ANKRD12: variants seen among roughly 807,000 people sequenced by gnomAD.
ANKRD12 encodes ankyrin repeat domain 12.
Under a neutral mutation model 183.4 loss-of-function variants are expected in ANKRD12, and 85 were observed. That is an observed-to-expected ratio of 0.46 (90% CI 0.39 to 0.56). The LOEUF (loss-of-function observed/expected upper bound fraction) is 0.56, where lower values mean the gene tolerates loss of function less well. ANKRD12 is among the 20% of genes least tolerant of loss of function. The probability of loss-of-function intolerance (pLI) is 0.00; values close to 1 mark genes in which losing one functional copy is unlikely to be tolerated. For missense variants in ANKRD12, 2,405 were observed against 2,357.1 expected (o/e 1.02, Z -0.42); for synonymous variants, 914 against 800.2 (o/e 1.14, Z -2.40).
chr18:9,258,869 G>A lies in ANKRD12; in HGVS notation c.5602G>A (p.Val1868Ile), dbSNP rs2038796344. Residue 1868 changes from valine (V) to isoleucine (I), a missense_variant, in exon 9 of 13, where the codon GTA (valine) becomes ATA (isoleucine). Physicochemically the swap from Val to Ile is conservative, Grantham distance 29. Coordinates refer to ENST00000262126, the MANE Select transcript of ANKRD12 (RefSeq NM_015208.5). ...PQAPQYYDEYVTFNGSYLLDG... is the reference protein window; with the variant it reads ...PQAPQYYDEYITFNGSYLLDG... ...AGCACCTCAGTACTATGACGAATATGTAACATTTAACGGATCATATCTCCT... is the reference window on the plus strand; with the variant it reads ...AGCACCTCAGTACTATGACGAATATATAACATTTAACGGATCATATCTCCT... 6.2e-7 allele frequency: 1 copy of A among 1,613,482 alleles called. No individual in the cohort carries two copies. Among genetic ancestry groups the A allele is most frequent in the Non-Finnish European group, 8.5e-7 (1 of 1,179,736 alleles).
Position 9,258,708 on chromosome 18 carries a change from C to A in ANKRD12, c.5441C>A (p.Ala1814Glu). Residue 1814 changes from alanine (A) to glutamate (E), a missense_variant, in exon 9 of 13, where the codon GCA becomes GAA. Ala to Glu is a moderately radical substitution (Grantham distance 107). Around this residue, in one of 7 missense-constraint regions of ANKRD12, gnomAD observed 1,983 missense variants for 1,725.9 expected, o/e 1.15. Transcript: ENST00000262126. ...AAAGAGAAAACTCAGCAATCTCTGG[C>A]AGCCATTGTAGATTCTCTAAAACTA... ...QAKEKTQQSLAAIVDSLKLDE... is the reference protein window; with the variant it reads ...QAKEKTQQSLEAIVDSLKLDE... 1 of 1,613,836 alleles carries A rather than the reference C, an allele frequency of 6.2e-7. No homozygotes were observed.
intron 1 of ANKRD12, among the ~76,000 whole-genome samples, chr18:9,143,387 G>A (rs1028220904): frequency 1.2e-4 from 18 of 152,170 alleles, no homozygotes; most frequent in African/African-American, 4.3e-4. Context: ...TCCAGTAGTG[G>A]TTATTGAGCC....
intron 6 of ANKRD12, among the ~76,000 whole-genome samples, chr18:9,213,341 A>G (rs1414652882): frequency 6.6e-6 from 1 of 151,970 alleles, no homozygotes; most frequent in Non-Finnish European, 1.5e-5. Context: ...GACATTATTT[A>G]TCAGAAACCT....
intron 10 of ANKRD12, among the ~76,000 whole-genome samples, chr18:9,274,570 G>A (rs762789412): frequency 6.6e-6 from 1 of 152,200 alleles, no homozygotes; most frequent in Non-Finnish European, 1.5e-5. Context: ...AGTAAGGAAT[G>A]ACTGCTGATG....
chr18:9,284,994 C>T lies in ANKRD12; in HGVS notation c.*3868C>T, dbSNP rs2040190035. The T allele has an allele frequency of 6.6e-6, 1 of 151,362 alleles. No homozygotes were observed. 9.4% of individuals were successfully genotyped at this position (151,362 alleles called of 1,614,324 possible). On this transcript the variant is annotated 3_prime_UTR_variant, in exon 13 of 13. Transcript: ENST00000262126. ...GGCCAAGGCGGGCGGATCACGAGGT[C>T]AGGAGATCGAGACCATCCTGGCTAA...
intron 10 of ANKRD12, among the ~76,000 whole-genome samples, chr18:9,270,924 C>G (rs920223936): frequency 1.3e-5 from 2 of 152,126 alleles, no homozygotes; most frequent in Non-Finnish European, 2.9e-5. Context: ...ACAACTTTAC[C>G]GTGTGGTGGC....
At chr18:9,184,125 C>T (rs1310992907) in intron 2 of ANKRD12, among the ~76,000 whole-genome samples, 1 of 152,140 alleles carries the variant, frequency 6.6e-6, no homozygotes, top group Non-Finnish European at 1.5e-5. Flanking sequence ...ACATCGATTA[C>T]ATCTAGATAT....
chr18:9,159,546 C>T (rs1598415265), intron 1 of ANKRD12, among the ~76,000 whole-genome samples: 1 of 151,964 alleles, frequency 6.6e-6, no homozygotes, highest in Admixed American at 6.5e-5. Context: ...ATTCTCCTGC[C>T]TCAGCCTCCC....
chr18:9,199,600 AAAC>A (rs2035050666), intron 3 of ANKRD12, among the ~76,000 whole-genome samples: 1 of 152,230 alleles, frequency 6.6e-6, no homozygotes, highest in Non-Finnish European at 1.5e-5. Context: ...GATATTATCT[AAAC>A]AAGTATATAG....
rs1345993988 is a variant in ANKRD12 at position 9,144,327 on chromosome 18, A to G, written c.-52+7362A>G. On this transcript the variant is annotated intron_variant, in intron 1 of 12. Transcript: ENST00000262126. ...ATATTAGTGATTATTAATCTTCTAT[A>G]TGTTACAAATATTATTTTATAGCAC... Among the ~76,000 whole-genome samples, 8 of 152,204 alleles carry G rather than the reference A, an allele frequency of 5.3e-5. No homozygotes were observed. The East Asian group carries it at 1.3e-3, about 26-fold the overall frequency.
In ANKRD12 at chr18:9,257,228, A is replaced by G. The variant is rs779789194; in HGVS notation, c.3961A>G (p.Lys1321Glu). ...GCCTTCTGTCATTTGTGAACATACC[A>G]AACAATTCCAAACAATATCAGAAGA... ...SMPSVICEHT[K>E]QFQTISEESN... The change falls in exon 9 of 13, where the codon AAA becomes GAA. Residue 1321 changes from lysine to glutamate, a missense_variant. Physicochemically the swap from Lys to Glu is moderately conservative, Grantham distance 56 (BLOSUM62 1). Coordinates refer to ENST00000262126, the MANE Select transcript of ANKRD12 (RefSeq NM_015208.5). 1 of 1,614,134 alleles carries G rather than the reference A, an allele frequency of 6.2e-7. No individual in the cohort carries two copies. Among genetic ancestry groups the G allele is most frequent in the Non-Finnish European group, 8.5e-7 (1 of 1,179,992 alleles).
chr18:9,254,642 G>T lies in ANKRD12; in HGVS notation c.1375G>T (p.Glu459Ter). 6.4e-7 allele frequency: 1 copy of T among 1,571,904 alleles called. No individual in the cohort carries two copies. Among genetic ancestry groups the T allele is most frequent in the South Asian group, 1.2e-5 (1 of 81,672 alleles). The change falls in exon 9 of 13, where the codon GAA becomes TAA. Residue 459 changes from glutamate (E) to a stop codon, truncating the protein, a stop_gained. Transcript: ENST00000262126. LOFTEE classifies it high-confidence loss of function. ...AAATTCTGATATGCAAACCAAAAAG[G>T]AATATGTAGTTTCAGGTGAACACAA... Reference protein sequence around the residue: ...TSNSDMQTKKEYVVSGEHKQK... With the variant: ...TSNSDMQTKK
At position 9,176,465 on chromosome 18, in the gene ANKRD12, A is replaced by G. The variant is rs182440663; in HGVS notation, c.-51-5917A>G. Among the ~76,000 whole-genome samples the G allele has an allele frequency of 1.2e-3, 187 of 151,752 alleles. 1 individual carries two copies. Among genetic ancestry groups the G allele is most frequent in the African/African-American group, 4.4e-3 (180 of 41,364 alleles). On this transcript the variant is annotated intron_variant, in intron 1 of 12. Coordinates refer to ENST00000262126, the MANE Select transcript of ANKRD12 (RefSeq NM_015208.5). ...ACCACCATGGCCAGCTAATTTTTTA[A>G]TTTTTTGTAGAGGCGGGGTTTCACC...
At position 9,256,285 on chromosome 18, in the gene ANKRD12, T is replaced by G. The variant is rs760394916; in HGVS notation, c.3018T>G (p.Asp1006Glu). The stretch of plus-strand genomic sequence containing the variant: ...TATCCCTTAAAGAAAAAACAAAAGA[T>G]GAACCTTTGAAAACTCCAGATGGAA... ...KPLSLKEKTK[D>E]EPLKTPDGKE... The change falls in exon 9 of 13, where the codon GAT becomes GAG. Residue 1006 changes from aspartate to glutamate, a missense_variant. Physicochemically the swap from Asp to Glu is conservative, Grantham distance 45. Around this residue, in one of 7 missense-constraint regions of ANKRD12, gnomAD observed 1,983 missense variants for 1,725.9 expected, o/e 1.15. Transcript: ENST00000262126. 2 of 1,604,760 alleles carry G rather than the reference T, an allele frequency of 1.2e-6. No individual in the cohort carries two copies. The highest frequency in any genetic ancestry group is 3.4e-5 in the Admixed American group (2 of 58,272).
intron 6 of ANKRD12, among the ~76,000 whole-genome samples, chr18:9,213,979 T>G (rs1384574027): frequency 1.3e-5 from 2 of 152,024 alleles, no homozygotes; most frequent in Non-Finnish European, 2.9e-5. Context: ...ATTGGAAAGC[T>G]TAAATATTTA....
At chr18:9,249,105 C>T (rs1438030197) in intron 8 of ANKRD12, among the ~76,000 whole-genome samples, 5 of 152,126 alleles carry the variant, frequency 3.3e-5, no homozygotes, top group African/African-American at 1.2e-4. Context: ...CTAGACATTA[C>T]GAAAGTCCTC....
chr18:9,149,678 T>TA (rs1440984585), intron 1 of ANKRD12, among the ~76,000 whole-genome samples: 1 of 152,188 alleles, frequency 6.6e-6, no homozygotes, highest in Admixed American at 6.5e-5. Context: ...GCAATTGGAC[T>TA]ATCTAAATAG....
chr18:9,186,233 A>G (rs1198675544), intron 2 of ANKRD12, among the ~76,000 whole-genome samples: 3 of 151,386 alleles, frequency 2.0e-5, no homozygotes, highest in Non-Finnish European at 4.4e-5. Flanking sequence ...AAAGTGTAGC[A>G]ACAATAGCAA....
intron 1 of ANKRD12, among the ~76,000 whole-genome samples, chr18:9,179,873 G>A (rs577499121): frequency 2.0e-4 from 30 of 152,162 alleles, no homozygotes; most frequent in Non-Finnish European, 3.8e-4. Flanking sequence ...AATTAAATTT[G>A]TTAAAGTTTG....
Sources: gnomAD v4.1 joint callset for allele counts (sites outside exome capture counted in the v4.1 genomes callset) on GRCh38, gnomAD v4.1.1 for gene constraint, gnomAD v4.1.1 regional missense constraint, MANE v1.5 for transcripts, NCBI Gene and HGNC (gene_info 2026-07-23, HGNC 2026-07-21) for gene names.